DOP1B: variants seen among roughly 807,000 people sequenced by gnomAD.
The protein encoded by DOP1B is protein DOP1B.
In DOP1B, 174 loss-of-function variants were observed where a neutral mutation model predicts 233.5. That is an observed-to-expected ratio of 0.75 (90% confidence interval 0.66 to 0.85). The LOEUF (loss-of-function observed/expected upper bound fraction) is 0.85, where lower values mean the gene tolerates loss of function less well. Among genes scored for constraint, DOP1B ranks in the 40% least tolerant of loss-of-function variants. DOP1B has a pLI of 0.00. For synonymous variants in DOP1B, 1,190 were observed against 1,185.6 expected (o/e 1.00, Z -0.08); for missense variants, 2,652 against 2,846.6 (o/e 0.93, Z 1.56).
Position 36,245,601 on chromosome 21 carries a change from A to G in DOP1B, c.3621A>G (p.Thr1207=), listed in dbSNP as rs2123590874. The G allele has an allele frequency of 6.2e-7, 1 of 1,613,284 alleles. No individual in the cohort carries two copies. The highest frequency in any genetic ancestry group is 2.2e-5 in the East Asian group (1 of 44,852). Residue 1207 remains threonine (T), a synonymous_variant, in exon 19 of 37, where the codon ACA becomes ACG. Transcript: ENST00000691173. The surrounding 1 kb of genome is among the most constrained non-coding windows in gnomAD (Gnocchi z 5.5). ...EADLELQALT[T]SRLLKQQRER... Reference sequence around the variant, plus strand: ...ACTTGGAGCTCCAGGCCCTCACCACATCCAGGCTGCTAAAGCAGCAGCGGG... The same window carrying G: ...ACTTGGAGCTCCAGGCCCTCACCACGTCCAGGCTGCTAAAGCAGCAGCGGG...
At chr21:36,157,681 C>T (rs2065832137) in intron 1 of DOP1B, among the ~76,000 whole-genome samples, 1 of 152,180 alleles carries the variant, frequency 6.6e-6, no homozygotes, top group Non-Finnish European at 1.5e-5. Flanking sequence ...ATTTAATTGC[C>T]ACTTTGAAAG....
At position 36,208,979 on chromosome 21, in the gene DOP1B, A is replaced by C; in HGVS notation, c.681+75A>C. On this transcript the variant is annotated intron_variant, in intron 5 of 36. Transcript: ENST00000691173. Reference sequence around the variant, plus strand: ...ACAGCATCCTCATGGGCAGGTTGTCACTGAAGCTGCAAAGGGACATCCAGG... The same window carrying C: ...ACAGCATCCTCATGGGCAGGTTGTCCCTGAAGCTGCAAAGGGACATCCAGG... 3 of 1,386,526 alleles carry C rather than the reference A, an allele frequency of 2.2e-6. No individual in the cohort carries two copies. In the South Asian group the frequency reaches 4.9e-5, roughly 23 times the overall value. The allele number at this position is 1,386,526 out of a possible 1,614,324, so 85.9% of individuals were successfully genotyped here. A position where few individuals can be genotyped will look rare whatever the true frequency, so the allele number is the denominator to read the frequency against.
rs1403348797 is a variant in DOP1B at position 36,224,773 on chromosome 21, T to C, written c.1371-792T>C. On this transcript the variant is annotated intron_variant, in intron 11 of 36. Transcript: ENST00000691173. The stretch of plus-strand genomic sequence containing the variant: ...TGAATTTCAGTATAAGATAAGCAAC[T>C]AACAATAGTTGATTGGTGGGGTTAC... Among the ~76,000 whole-genome samples, 27 of 151,374 alleles carry C rather than the reference T, an allele frequency of 1.8e-4. No homozygotes were observed. The Admixed American group carries it at 1.8e-3, about 10-fold the overall frequency.
rs2066670788 is a variant in DOP1B, at chr21:36,225,431, A to G, written c.1371-134A>G. On this transcript the variant is annotated intron_variant, in intron 11 of 36. Transcript: ENST00000691173. ...ACTTTAGTAGAGATGGGGTTTCACC[A>G]TGTTGCCCAGGCTGGTCTCAGACTC... The G allele has an allele frequency of 3.3e-5, 31 of 928,600 alleles. No homozygotes were observed. The South Asian group carries it at 4.8e-4, about 14-fold the overall frequency. 57.5% of individuals were successfully genotyped at this position (928,600 alleles called of 1,614,324 possible).
At chr21:36,292,810 C>T (rs918098878) in intron 36 of DOP1B, among the ~76,000 whole-genome samples, 5 of 151,968 alleles carry the variant, frequency 3.3e-5, no homozygotes, top group African/African-American at 9.7e-5. Flanking sequence ...GACAGGTTTT[C>T]GCCATATTGG....
chr21:36,245,518 C>T lies in DOP1B; in HGVS notation c.3538C>T (p.Arg1180Trp), dbSNP rs751420859. The T allele has an allele frequency of 1.2e-5, 20 of 1,613,376 alleles. No homozygotes were observed. The highest frequency in any genetic ancestry group is 5.5e-5 in the South Asian group (5 of 91,084). ...GGCTGGGGCCAAGTTAAGCCTGGTG[C>T]GGGTGGACTCGGACAAGACGCAGGC... ...FKAGAKLSLV[R>W]VDSDKTQASE... The change falls in exon 19 of 37, where the codon CGG (arginine) becomes TGG (tryptophan). Residue 1180 changes from arginine to tryptophan, a missense_variant. Arg to Trp is a moderately radical substitution (Grantham distance 101). Around this residue, in one of 3 missense-constraint regions of DOP1B, gnomAD observed 2,617 missense variants for 2,794.3 expected, o/e 0.94. Transcript: ENST00000691173. The surrounding 1 kb of genome is among the most constrained non-coding windows in gnomAD (Gnocchi z 5.5).
At chr21:36,233,729 T>C (rs988372517) in intron 15 of DOP1B, among the ~76,000 whole-genome samples, 19 of 152,200 alleles carry the variant, frequency 1.2e-4, no homozygotes, top group African/African-American at 3.4e-4. Context: ...TCACCAGTTA[T>C]GGTTGTGTTG....
Position 36,247,601 on chromosome 21 carries a change from TTTGGAACA to T in DOP1B, c.4783_4790del (p.Leu1595SerfsTer12). 1 of 1,606,222 alleles carries T rather than the reference TTTGGAACA, an allele frequency of 6.2e-7. No homozygotes were observed. Among genetic ancestry groups the T allele is most frequent in the Non-Finnish European group, 8.5e-7 (1 of 1,178,250 alleles). Reference sequence around the variant, plus strand: ...TAACGACCATTAGTCATTTTTGTCTTTTGGAACAAGCCAACCAAAACAAAAAGGTAAAT... The same window carrying T: ...TAACGACCATTAGTCATTTTTGTCTTAGCCAACCAAAACAAAAAGGTAAAT... On this transcript the variant is annotated frameshift_variant, in exon 20 of 37. Coordinates refer to ENST00000691173, the MANE Select transcript of DOP1B (RefSeq NM_001320714.2). LOFTEE classifies it high-confidence loss of function.
chr21:36,268,702 ACT>A (rs532430804), intron 26 of DOP1B, among the ~76,000 whole-genome samples: 166 of 152,234 alleles, frequency 1.1e-3, no homozygotes, highest in African/African-American at 3.6e-3. Flanking sequence ...TTCCCGCAAC[ACT>A]CTGTCACCAG....
intron 12 of DOP1B, among the ~76,000 whole-genome samples, chr21:36,226,116 C>T (rs1326492657): frequency 6.6e-6 from 1 of 152,154 alleles, no homozygotes; most frequent in Non-Finnish European, 1.5e-5. Flanking sequence ...TTGTCTAGAT[C>T]AAATTGAAAT....
At chr21:36,250,434 A>G (rs1188371262) in intron 21 of DOP1B, among the ~76,000 whole-genome samples, 1 of 152,128 alleles carries the variant, frequency 6.6e-6, no homozygotes, top group African/African-American at 2.4e-5. Flanking sequence ...TCAAAGAAAC[A>G]CAGGGTTTCC....
At chr21:36,280,983 C>CT (rs1456759361) in intron 31 of DOP1B, among the ~76,000 whole-genome samples, 2 of 151,268 alleles carry the variant, frequency 1.3e-5, no homozygotes, top group Admixed American at 1.3e-4. Flanking sequence ...GCCTGGGCGA[C>CT]AGAGCGAAAA....
chr21:36,287,462 G>GC (rs1338714456), intron 32 of DOP1B, among the ~76,000 whole-genome samples: 1 of 152,076 alleles, frequency 6.6e-6, no homozygotes, highest in Non-Finnish European at 1.5e-5. Context: ...CTCAGCTGTG[G>GC]CAGGGGGACG....
At chr21:36,244,420 C>T (rs766529475) in intron 18 of DOP1B, among the ~76,000 whole-genome samples, 8 of 151,864 alleles carry the variant, frequency 5.3e-5, no homozygotes, top group Non-Finnish European at 8.8e-5. Context: ...CTGCAGGATA[C>T]ATTTCTGTTT....
chr21:36,230,673 T>A lies in DOP1B; in HGVS notation c.1889T>A (p.Ile630Asn). ...GGSMQRTFLC[I>N]QELIANFASK... ...AGCATGCAGAGGACGTTTCTTTGCA[T>A]CCAAGAGCTAATCGCCAACTTTGCC... The change falls in exon 14 of 37, where the codon ATC becomes AAC. Residue 630 changes from isoleucine to asparagine, a missense_variant. Ile to Asn is a moderately radical substitution (Grantham distance 149). This residue lies in a region of DOP1B where 2,617 missense variants were observed against 2,794.3 expected (regional missense o/e 0.94). Transcript: ENST00000691173. The A allele has an allele frequency of 1.2e-6, 2 of 1,614,134 alleles. No homozygotes were observed. Among genetic ancestry groups the A allele is most frequent in the Non-Finnish European group, 1.7e-6 (2 of 1,180,034 alleles).
At chr21:36,224,174 G>T (rs990123143) in intron 11 of DOP1B, among the ~76,000 whole-genome samples, 2 of 151,800 alleles carry the variant, frequency 1.3e-5, no homozygotes, top group African/African-American at 4.8e-5. Context: ...TTTTATGACG[G>T]AGTCTCTGTC....
intron 2 of DOP1B, among the ~76,000 whole-genome samples, chr21:36,166,358 A>G (rs1465732187): frequency 2.0e-5 from 3 of 151,860 alleles, no homozygotes; most frequent in Admixed American, 1.3e-4. Flanking sequence ...AATGGCGTGA[A>G]CCAGGGAGGC....
At position 36,238,692 on chromosome 21, in the gene DOP1B, C is replaced by T. The variant is rs1477078403; in HGVS notation, c.2867C>T (p.Ser956Phe). The T allele has an allele frequency of 6.2e-7, 1 of 1,614,192 alleles. No homozygotes were observed. The highest frequency in any genetic ancestry group is 1.6e-4 in the Middle Eastern group (1 of 6,062). ...AGTCGAGTAACATCTCACAATCGCT[C>T]CTTTGATAGGTGAGGCGGCCTTCGT... ...QGSRVTSHNRSFDRSLFVVLD... is the reference protein window; with the variant it reads ...QGSRVTSHNRFFDRSLFVVLD... Residue 956 changes from serine to phenylalanine, a missense_variant, in exon 17 of 37, where the codon TCC becomes TTC. Ser to Phe is a radical substitution (Grantham distance 155). Around this residue, in one of 3 missense-constraint regions of DOP1B, gnomAD observed 2,617 missense variants for 2,794.3 expected, o/e 0.94. Transcript: ENST00000691173.
rs1009978229 is a variant in DOP1B, at chr21:36,278,191, C to T, written c.5823-18C>T. 2.9e-5 allele frequency: 47 copies of T among 1,613,606 alleles called. 1 individual carries two copies. Among genetic ancestry groups the T allele is most frequent in the Non-Finnish European group, 4.0e-5 (47 of 1,179,704 alleles). ...CAGTCCTTGACCTTGACCCTTCTCT[C>T]TTCCCACTCCCACTCAGTGCCTACA... On this transcript the variant is annotated intron_variant, in intron 29 of 36. Transcript: ENST00000691173.
Sources: allele counts gnomAD v4.1 joint callset (sites outside exome capture counted in the v4.1 genomes callset), GRCh38; gene constraint gnomAD v4.1.1; regional missense constraint gnomAD v4.1.1; non-coding constraint Gnocchi (gnomAD v3.1); transcripts MANE v1.5; gene names NCBI Gene and HGNC (gene_info 2026-07-23, HGNC 2026-07-21).